TBX5: variants seen among roughly 807,000 people sequenced by gnomAD.
The protein encoded by TBX5 is T-box transcription factor 5.
TBX5 carries 8 observed loss-of-function variants against 51.1 expected under a neutral mutation model. The ratio of observed to expected loss-of-function variants is 0.16; its 90% CI spans 0.09 to 0.28. The LOEUF (loss-of-function observed/expected upper bound fraction) is 0.28, where lower values mean the gene tolerates loss of function less well. TBX5 is among the 10% of genes least tolerant of loss of function. The pLI is 1.00. For synonymous variants in TBX5, 302 were observed against 266.4 expected (o/e 1.13, Z -1.30); for missense variants, 589 against 671.7 (o/e 0.88, Z 1.36).
Position 114,361,067 on chromosome 12 carries a change from T to C in TBX5, c.983-4961A>G, listed in dbSNP as rs1347757630. Reference sequence around the variant, plus strand: ...TCCCAAGCACCTAGCACAGTGTCCATTATACATTAAGTGCTCAATAAATAA... The same window carrying C: ...TCCCAAGCACCTAGCACAGTGTCCACTATACATTAAGTGCTCAATAAATAA... On this transcript the variant is annotated intron_variant, in intron 8 of 8. Coordinates refer to ENST00000405440, the MANE Select transcript of TBX5 (RefSeq NM_181486.4). Among the ~76,000 whole-genome samples, 6 of 152,142 alleles carry C rather than the reference T, an allele frequency of 3.9e-5. No individual in the cohort carries two copies. In the East Asian group the frequency reaches 1.2e-3, roughly 29 times the overall value.
Position 114,401,808 on chromosome 12 carries a change from C to T in TBX5, c.242+18G>A. The T allele has an allele frequency of 6.2e-7, 1 of 1,613,118 alleles. No homozygotes were observed. Among genetic ancestry groups the T allele is most frequent in the Non-Finnish European group, 8.5e-7 (1 of 1,179,090 alleles). ...CAATTTCTCCTCGTCCCTCTCTCTA[C>T]ACAACAAACCATCTCACCTTCCAGC... On this transcript the variant is annotated intron_variant, in intron 3 of 8. Transcript: ENST00000405440.
At chr12:114,401,993 A>C in intron 2 of TBX5, 73 bp from the exon 3 acceptor site, 2 of 1,309,798 alleles carry the variant, frequency 1.5e-6, no homozygotes, top group Non-Finnish European at 2.2e-6. Context: ...AACTCCCCCA[A>C]AACACAGAGA....
intron 4 of TBX5, among the ~76,000 whole-genome samples, 190 bp downstream of exon 4, chr12:114,399,323 C>G (rs1461168311): frequency 6.6e-6 from 1 of 151,966 alleles, no homozygotes; most frequent in Non-Finnish European, 1.5e-5. Flanking sequence ...TCTGGAAAAC[C>G]GGAGCTAATT....
intron 5 of TBX5, among the ~76,000 whole-genome samples, chr12:114,398,230 G>A (rs1333603183): frequency 3.9e-5 from 6 of 152,222 alleles, no homozygotes; most frequent in Admixed American, 3.9e-4. Flanking sequence ...GATCTGGGGA[G>A]TGTGGATCAC....
chr12:114,400,197 T>C (rs899426516), intron 3 of TBX5, among the ~76,000 whole-genome samples: 9 of 152,172 alleles, frequency 5.9e-5, no homozygotes, highest in Admixed American at 2.6e-4. Context: ...GTTCCCAGTA[T>C]AACTCGGTTA....
chr12:114,376,274 TACACAC>T (rs79139632), intron 7 of TBX5, among the ~76,000 whole-genome samples: 1 of 144,834 alleles, frequency 6.9e-6, no homozygotes, highest in African/African-American at 2.5e-5. Context: ...TGTATATATA[TACACAC>T]ACACACACAC....
intron 3 of TBX5, among the ~76,000 whole-genome samples, chr12:114,400,704 G>T (rs1033444045): frequency 2.0e-5 from 3 of 152,234 alleles, no homozygotes; most frequent in African/African-American, 4.8e-5. Flanking sequence ...GGCTCGGGGG[G>T]AAAGAGGGAC....
At chr12:114,363,356 T>G (rs945930620) in intron 8 of TBX5, among the ~76,000 whole-genome samples, 1 of 152,170 alleles carries the variant, frequency 6.6e-6, no homozygotes. Context: ...GAAAGTCAAG[T>G]CATAACCTAA....
rs541449392 is a variant in TBX5, at chr12:114,354,836, T to C, written c.*696A>G. ...GAGCGTCAGTGTTATCCTGACTCCA[T>C]GGGTAAGTAGAGGCAAAACTGAGCA... On this transcript the variant is annotated 3_prime_UTR_variant, in exon 9 of 9. Transcript: ENST00000405440. The C allele has an allele frequency of 1.9e-5, 3 of 154,568 alleles. No individual in the cohort carries two copies. The highest frequency in any genetic ancestry group is 1.9e-4 in the East Asian group (1 of 5,226). 9.6% of individuals were successfully genotyped at this position (154,568 alleles called of 1,614,324 possible). A position where few individuals can be genotyped will look rare whatever the true frequency, so the allele number is the denominator to read the frequency against.
intron 5 of TBX5, among the ~76,000 whole-genome samples, chr12:114,396,883 A>C (rs983975697): frequency 6.6e-6 from 1 of 152,202 alleles, no homozygotes; most frequent in Non-Finnish European, 1.5e-5. Context: ...GAAGCCCAGC[A>C]AGAAGGACTC....
rs192781521 is a variant in TBX5, at chr12:114,403,703, C to T, written c.147+49G>A. On this transcript the variant is annotated intron_variant, in intron 2 of 8. Transcript: ENST00000405440. ...AGAGAAGCCGAGCAGGAAAGCCAGA[C>T]TCTGACTTTGATCTCTGCAAAGGGA... 1.4e-3 allele frequency: 2,254 copies of T among 1,599,794 alleles called. 7 individuals carry two copies. Among genetic ancestry groups the T allele is most frequent in the Non-Finnish European group, 1.8e-3 (2,100 of 1,173,482 alleles).
At chr12:114,378,932 A>G (rs1236848895) in intron 7 of TBX5, among the ~76,000 whole-genome samples, 5 of 152,320 alleles carry the variant, frequency 3.3e-5, no homozygotes, top group East Asian at 1.9e-4. Context: ...ACACTACCTG[A>G]CATCCAAGGT....
upstream of TBX5, chr12:114,407,215 A>G (rs993950381): frequency 1.8e-6 from 1 of 560,726 alleles, no homozygotes; most frequent in African/African-American, 2.0e-5. Flanking sequence ...ACCGGGGAGA[A>G]AGCCAGCCCT....
intron 8 of TBX5, among the ~76,000 whole-genome samples, chr12:114,356,310 T>C (rs753690533): frequency 2.0e-5 from 3 of 152,190 alleles, no homozygotes; most frequent in Non-Finnish European, 4.4e-5. Flanking sequence ...GTTTGACCTT[T>C]CTGGGTTCAG....
In TBX5 at chr12:114,403,804, A is replaced by T. The variant is rs1871999364; in HGVS notation, c.95T>A (p.Leu32His). ...CGACGGGGACTTGCTGGGGGCCCCG[A>T]GCGCGCTCTCGGGTTTCGAATCGCA... The part of the protein sequence containing the change: ...LPCDSKPESA[L>H]GAPSKSPSSP... The change falls in exon 2 of 9, where the codon CTC (leucine) becomes CAC (histidine). Residue 32 changes from leucine to histidine, a missense_variant. By Grantham distance (99) the Leu-to-His change is moderately conservative. Transcript: ENST00000405440. 1.9e-6 allele frequency: 3 copies of T among 1,614,024 alleles called. No individual in the cohort carries two copies. Among genetic ancestry groups the T allele is most frequent in the Non-Finnish European group, 2.5e-6 (3 of 1,180,004 alleles).
At chr12:114,382,552 A>T (rs568455661) in intron 7 of TBX5, among the ~76,000 whole-genome samples, 8 of 151,796 alleles carry the variant, frequency 5.3e-5, no homozygotes, top group Admixed American at 1.3e-4. Context: ...TAATCCCAGC[A>T]CTTTGGGAGG....
At chr12:114,362,351 G>T (rs917555440) in intron 8 of TBX5, among the ~76,000 whole-genome samples, 1 of 152,282 alleles carries the variant, frequency 6.6e-6, no homozygotes. Flanking sequence ...GGCTTATACA[G>T]GCTGGCATCT....
chr12:114,398,783 A>G (rs1871597823), intron 4 of TBX5, 63 bp from the exon 5 acceptor site: 20 of 1,555,936 alleles, frequency 1.3e-5, no homozygotes, highest in Non-Finnish European at 1.7e-5. Flanking sequence ...CACTGCACCG[A>G]AGCGTGCTTC....
intron 1 of TBX5, 61 bp from the exon 2 acceptor site, chr12:114,403,997 G>A (rs1872025147): frequency 6.5e-7 from 1 of 1,529,180 alleles, no homozygotes; most frequent in African/African-American, 1.4e-5. Flanking sequence ...CGAGAGAAAG[G>A]TTGGAGAGCA....
Sources: gnomAD v4.1 joint callset for allele counts (sites outside exome capture counted in the v4.1 genomes callset) on GRCh38, gnomAD v4.1.1 for gene constraint, MANE v1.5 for transcripts, NCBI Gene and HGNC (gene_info 2026-07-23, HGNC 2026-07-21) for gene names.